MYO5B: variants seen among roughly 807,000 people sequenced by gnomAD.
MYO5B encodes unconventional myosin-Vb.
In MYO5B, 143 loss-of-function variants were observed where a neutral mutation model predicts 229.3. The ratio of observed to expected loss-of-function variants is 0.62; its 90% CI spans 0.54 to 0.72. The LOEUF (loss-of-function observed/expected upper bound fraction) is 0.72. Among genes scored for constraint, MYO5B ranks in the 30% least tolerant of loss-of-function variants. MYO5B has a pLI of 0.00. For missense variants in MYO5B, 2,321 were observed against 2,331.0 expected (o/e 1.00, Z 0.09); for synonymous variants, 918 against 885.2 (o/e 1.04, Z -0.66).
chr18:49,870,748 G>A (rs1303905472), intron 27 of MYO5B, among the ~76,000 whole-genome samples: 1 of 152,064 alleles, frequency 6.6e-6, no homozygotes, highest in Non-Finnish European at 1.5e-5. Flanking sequence ...TATCAGAATA[G>A]CTACTATCAA....
chr18:49,995,183 T>C (rs1199013706), intron 5 of MYO5B, among the ~76,000 whole-genome samples: 1 of 151,880 alleles, frequency 6.6e-6, no homozygotes, highest in African/African-American at 2.4e-5. Flanking sequence ...ACCACACATG[T>C]GGGCAACTTC....
chr18:50,106,776 G>A (rs186153117), intron 1 of MYO5B, among the ~76,000 whole-genome samples: 12 of 152,336 alleles, frequency 7.9e-5, no homozygotes, highest in East Asian at 3.9e-4. Context: ...GACCCAGTCC[G>A]TGAAAGGCAT....
At chr18:49,913,886 G>C (rs550218385) in intron 17 of MYO5B, among the ~76,000 whole-genome samples, 1 of 152,046 alleles carries the variant, frequency 6.6e-6, no homozygotes, top group Admixed American at 6.6e-5. Context: ...TGAACACTGA[G>C]AGGAGTTCAC....
Position 50,169,185 on chromosome 18 carries a change from T to C in MYO5B, c.27+25582A>G, listed in dbSNP as rs2032893595. Among the ~76,000 whole-genome samples, 3 of 126,822 alleles carry C rather than the reference T, an allele frequency of 2.4e-5. 1 individual carries two copies. In the Admixed American group the frequency reaches 2.6e-4, roughly 11 times the overall value. 83.2% of individuals were successfully genotyped at this position (126,822 alleles called of 152,430 possible). A position where few individuals can be genotyped will look rare whatever the true frequency, so the allele number is the denominator to read the frequency against. Reference sequence around the variant, plus strand: ...AAAGCTAGATGTGGCAGCACATGCCTGTGGTCCCTGCTATTCAAGAGGCTG... The same window carrying C: ...AAAGCTAGATGTGGCAGCACATGCCCGTGGTCCCTGCTATTCAAGAGGCTG... On this transcript the variant is annotated intron_variant, in intron 1 of 39. Coordinates refer to ENST00000285039, the MANE Select transcript of MYO5B (RefSeq NM_001080467.3).
At chr18:49,847,075 G>A (rs542873610) in intron 33 of MYO5B, 71 bp downstream of exon 33, 5 of 1,594,714 alleles carry the variant, frequency 3.1e-6, no homozygotes, top group Middle Eastern at 1.9e-4. Flanking sequence ...TGGGGGTTGT[G>A]CTGGGGATGG....
At chr18:50,074,247 G>A (rs529143826) in intron 1 of MYO5B, among the ~76,000 whole-genome samples, 6 of 152,262 alleles carry the variant, frequency 3.9e-5, no homozygotes, top group South Asian at 2.1e-4. Flanking sequence ...AGAATAGCAC[G>A]GGAAAGACCA....
chr18:49,915,486 G>T (rs1267277362), intron 17 of MYO5B, among the ~76,000 whole-genome samples: 1 of 152,226 alleles, frequency 6.6e-6, no homozygotes, highest in Non-Finnish European at 1.5e-5. Flanking sequence ...GAAGGGCGCA[G>T]GGCGCTTAGA....
intron 5 of MYO5B, among the ~76,000 whole-genome samples, chr18:49,999,473 G>C (rs1056241905): frequency 3.9e-5 from 6 of 152,228 alleles, no homozygotes; most frequent in African/African-American, 1.4e-4. Flanking sequence ...AGAAAAGAAG[G>C]AGTCAAATTA....
At chr18:50,156,134 C>T (rs778464845) in intron 1 of MYO5B, among the ~76,000 whole-genome samples, 2 of 152,238 alleles carry the variant, frequency 1.3e-5, no homozygotes, top group Non-Finnish European at 2.9e-5. Context: ...TGGACTTCCA[C>T]AAGCAATATG....
At chr18:49,893,542 T>C (rs1372387275) in intron 22 of MYO5B, among the ~76,000 whole-genome samples, 5 of 152,210 alleles carry the variant, frequency 3.3e-5, no homozygotes, top group African/African-American at 1.2e-4. Context: ...TCATGTCTCA[T>C]GGTGGGCAGG....
chr18:50,024,581 C>T (rs904333504), intron 4 of MYO5B, among the ~76,000 whole-genome samples: 3 of 152,118 alleles, frequency 2.0e-5, no homozygotes, highest in East Asian at 1.9e-4. Flanking sequence ...AATTAATTTC[C>T]GTCATCTTTT....
chr18:49,879,147 G>A, intron 23 of MYO5B, 57 bp from the exon 24 acceptor site: 1 of 1,609,334 alleles, frequency 6.2e-7, no homozygotes, highest in South Asian at 1.1e-5. Flanking sequence ...CACATGTATT[G>A]ACTCATGTTT....
intron 1 of MYO5B, among the ~76,000 whole-genome samples, chr18:50,143,461 T>C (rs2032448888): frequency 6.6e-6 from 1 of 152,082 alleles, no homozygotes; most frequent in Admixed American, 6.6e-5. Flanking sequence ...ACCGCAGCAT[T>C]CTGTATTTAG....
intron 2 of MYO5B, among the ~76,000 whole-genome samples, chr18:50,047,549 A>T (rs996531277): frequency 1.3e-5 from 2 of 152,224 alleles, no homozygotes; most frequent in African/African-American, 4.8e-5. Context: ...TCAGGGATCT[A>T]GAACTAGAAA....
At chr18:50,115,198 C>A (rs1443295218) in intron 1 of MYO5B, among the ~76,000 whole-genome samples, 2 of 152,210 alleles carry the variant, frequency 1.3e-5, no homozygotes, top group African/African-American at 4.8e-5. Context: ...GGTGGGCAGC[C>A]ACCTGCACAC....
At chr18:49,936,444 C>A in intron 15 of MYO5B, 95 bp from the exon 16 acceptor site, 1 of 884,978 alleles carries the variant, frequency 1.1e-6, no homozygotes, top group Non-Finnish European at 1.8e-6. Context: ...GTTATTGTTA[C>A]TATTATATTA....
intron 1 of MYO5B, among the ~76,000 whole-genome samples, chr18:50,153,945 T>C (rs1382207304): frequency 6.6e-6 from 1 of 152,160 alleles, no homozygotes; most frequent in African/African-American, 2.4e-5. Context: ...TAATTTATAA[T>C]GGTCTGGCTG....
At position 49,858,070 on chromosome 18, in the gene MYO5B, C is replaced by T. The variant is rs183993072; in HGVS notation, c.3945-1180G>A. On this transcript the variant is annotated intron_variant, in intron 29 of 39. Coordinates refer to ENST00000285039, the MANE Select transcript of MYO5B (RefSeq NM_001080467.3). ...ACCATCTGTAAACCAAAAATAAAAT[C>T]CTAAGGCCCCCCACCATCTGAAGGG... Among the ~76,000 whole-genome samples, 273 of 152,238 alleles carry T rather than the reference C, an allele frequency of 1.8e-3. 1 individual carries two copies. Among genetic ancestry groups the T allele is most frequent in the Middle Eastern group, 0.014 (4 of 294 alleles).
At chr18:49,936,191 C>A in intron 16 of MYO5B, 61 bp downstream of exon 16, 1 of 1,443,164 alleles carries the variant, frequency 6.9e-7, no homozygotes, top group Non-Finnish European at 9.5e-7. Flanking sequence ...GCCTGGGCCA[C>A]CCTGTTCCAC....
Sources: allele counts gnomAD v4.1 joint callset (sites outside exome capture counted in the v4.1 genomes callset), GRCh38; gene constraint gnomAD v4.1.1; transcripts MANE v1.5; gene names NCBI Gene and HGNC (gene_info 2026-07-23, HGNC 2026-07-21).